The following ROBO1 variants were observed in gnomAD, a reference collection of about 807,000 sequenced individuals.
The protein encoded by ROBO1 is roundabout homolog 1.
ROBO1 carries 149 observed loss-of-function variants against 195.9 expected under a neutral mutation model. That is an observed-to-expected ratio of 0.76 (90% CI 0.67 to 0.87). The LOEUF is 0.87. Ranked by LOEUF, ROBO1 falls within the 40% of genes least tolerant of loss-of-function variation. The pLI is 0.00. For synonymous variants in ROBO1, 816 were observed against 733.2 expected, an observed-to-expected ratio of 1.11 and a Z score of -1.82; for missense variants, 1,933 against 2,068.3, an observed-to-expected ratio of 0.93 and a Z score of 1.27.
intron 10 of ROBO1, among the ~76,000 whole-genome samples, chr3:78,681,935 G>T (rs959111740): frequency 5.3e-5 from 8 of 152,088 alleles, no homozygotes; most frequent in Non-Finnish European, 1.2e-4. Flanking sequence ...AATGATTAGG[G>T]CACGTGAGCA....
At chr3:79,590,526 A>G (rs1161985206) in intron 1 of ROBO1, among the ~76,000 whole-genome samples, 3 of 151,744 alleles carry the variant, frequency 2.0e-5, no homozygotes, top group East Asian at 3.9e-4. Context: ...GTGTCCTTGT[A>G]AAAAAACAAA....
intron 3 of ROBO1, among the ~76,000 whole-genome samples, chr3:78,942,776 G>A (rs922225355): frequency 6.6e-5 from 10 of 152,270 alleles, no homozygotes; most frequent in African/African-American, 1.2e-4. Flanking sequence ...AGTGGCACAC[G>A]CCTGTAGTGT....
At chr3:79,566,084 A>G (rs7615377) in intron 2 of ROBO1, among the ~76,000 whole-genome samples, 87,507 of 151,846 alleles carry the variant, frequency 0.58, 26,692 homozygotes, top group African/African-American at 0.79. Context: ...AGTATTAAAA[A>G]TATTTAAAAC....
At chr3:78,999,450 C>T (rs1414483695) in intron 3 of ROBO1, among the ~76,000 whole-genome samples, 1 of 152,006 alleles carries the variant, frequency 6.6e-6, no homozygotes, top group African/African-American at 2.4e-5. Context: ...GAACAGAAAA[C>T]CAACTTTCAC....
rs571634226 is a variant in ROBO1, at chr3:79,741,204, A to G, written c.-51+26548T>C. On this transcript the variant is annotated intron_variant, in intron 1 of 30. Coordinates refer to ENST00000464233, the MANE Select transcript of ROBO1 (RefSeq NM_002941.4). ...GATCTTTTTCAGCAGAACAAACCAT[A>G]TCAGCCTAGTCAATTCCCTCAGCCA... is the stretch of plus-strand genomic sequence containing the variant. 5.3e-5 allele frequency among the ~76,000 whole-genome samples: 8 copies of G among 152,318 alleles called. No individual in the cohort carries two copies. In the East Asian group the frequency reaches 1.5e-3, roughly 29 times the overall value.
At chr3:79,614,547 A>G (rs1944761089) in intron 1 of ROBO1, among the ~76,000 whole-genome samples, 1 of 152,132 alleles carries the variant, frequency 6.6e-6, no homozygotes, top group East Asian at 1.9e-4. Context: ...TATAAAAATT[A>G]ATTGTATTTA....
chr3:79,108,869 A>G (rs1402503399), intron 3 of ROBO1, among the ~76,000 whole-genome samples: 1 of 151,968 alleles, frequency 6.6e-6, no homozygotes, highest in African/African-American at 2.4e-5. Flanking sequence ...AAACATCTAA[A>G]TTGCATTTGA....
intron 2 of ROBO1, among the ~76,000 whole-genome samples, chr3:79,482,850 C>T (rs1938936565): frequency 6.6e-6 from 1 of 152,068 alleles, no homozygotes; most frequent in African/African-American, 2.4e-5. Context: ...TAGGAAATAG[C>T]GTTTGACCAG....
chr3:79,617,764 A>G (rs550495548), intron 1 of ROBO1, among the ~76,000 whole-genome samples: 2 of 145,898 alleles, frequency 1.4e-5, no homozygotes, highest in African/African-American at 5.0e-5. Context: ...AGAAAGCTCA[A>G]TGAGATGCAA....
intron 2 of ROBO1, among the ~76,000 whole-genome samples, chr3:79,413,798 T>C (rs2037880986): frequency 6.6e-6 from 1 of 152,108 alleles, no homozygotes; most frequent in Admixed American, 6.6e-5. Flanking sequence ...GGGAGAGACA[T>C]GTATAAAGAA....
At position 78,617,643 on chromosome 3, in the gene ROBO1, T is replaced by A; in HGVS notation, c.4274A>T (p.Asp1425Val). The A allele has an allele frequency of 6.2e-7, 1 of 1,609,888 alleles. No homozygotes were observed. The highest frequency in any genetic ancestry group is 8.5e-7 in the Non-Finnish European group (1 of 1,177,706). Residue 1425 changes from aspartate (D) to valine (V), a missense_variant, in exon 27 of 31, where the codon GAT becomes GTT. Transcript: ENST00000464233. ...GLKVARRQMQ[D>V]AAGRRHFHAS... The stretch of plus-strand genomic sequence containing the variant: ...AAAGTGTTAGGACTCACCAGCAGCA[T>A]CCTGCATTTGCCGTCGTGCTACTTT...
At chr3:78,724,896 A>G (rs2082127252) in intron 5 of ROBO1, among the ~76,000 whole-genome samples, 2 of 152,168 alleles carry the variant, frequency 1.3e-5, no homozygotes, top group Non-Finnish European at 2.9e-5. Context: ...ATAAGCTAAA[A>G]TATTTCTTGG....
chr3:79,166,593 T>TCTAG (rs1576761536), intron 2 of ROBO1, among the ~76,000 whole-genome samples: 3 of 147,910 alleles, frequency 2.0e-5, no homozygotes. Context: ...TGAGATGGAG[T>TCTAG]CTAGCTCTGT....
chr3:79,613,166 G>A, intron 1 of ROBO1, among the ~76,000 whole-genome samples: 1 of 151,876 alleles, frequency 6.6e-6, no homozygotes, highest in East Asian at 1.9e-4. Context: ...ATATTTTGGA[G>A]GAGGAACAAA....
chr3:79,361,311 G>A (rs1354745510), intron 2 of ROBO1, among the ~76,000 whole-genome samples: 1 of 151,706 alleles, frequency 6.6e-6, no homozygotes, highest in African/African-American at 2.4e-5. Context: ...TTAAAAAGGA[G>A]GTCAGATTGA....
chr3:79,303,909 T>A (rs987924853), intron 2 of ROBO1, among the ~76,000 whole-genome samples: 1 of 151,832 alleles, frequency 6.6e-6, no homozygotes, highest in Admixed American at 6.6e-5. Context: ...TTAATGTAAT[T>A]CTGAATGTTA....
chr3:78,797,038 T>C (rs2084205552), intron 4 of ROBO1, among the ~76,000 whole-genome samples: 1 of 152,222 alleles, frequency 6.6e-6, no homozygotes, highest in South Asian at 2.1e-4. Flanking sequence ...AGCTAGCTCC[T>C]ACTTAGTCTT....
chr3:79,766,271 C>T (rs1704985450), intron 1 of ROBO1, among the ~76,000 whole-genome samples: 2 of 151,894 alleles, frequency 1.3e-5, no homozygotes, highest in African/African-American at 4.8e-5. Flanking sequence ...TTTCCTTCCC[C>T]TCTTGCAGCC....
At chr3:79,320,061 A>G (rs936725763) in intron 2 of ROBO1, among the ~76,000 whole-genome samples, 1 of 152,190 alleles carries the variant, frequency 6.6e-6, no homozygotes, top group East Asian at 1.9e-4. Context: ...CAGTTTAGGC[A>G]TCTATAACAA....
Sources: allele counts gnomAD v4.1 joint callset (sites outside exome capture counted in the v4.1 genomes callset), GRCh38; gene constraint gnomAD v4.1.1; transcripts MANE v1.5; gene names NCBI Gene and HGNC (gene_info 2026-07-23, HGNC 2026-07-21).